CAPN3: variants seen among roughly 807,000 people sequenced by gnomAD.
The protein encoded by CAPN3 is calpain 3, also known as calpain-3.
Under a neutral mutation model 114.0 loss-of-function variants are expected in CAPN3, and 88 were observed. That is an observed-to-expected ratio of 0.77 (90% confidence interval 0.65 to 0.92). CAPN3 has a LOEUF of 0.92. CAPN3 is among the 40% of genes least tolerant of loss of function. The pLI is 0.00. For synonymous variants in CAPN3, 386 were observed against 382.9 expected, an observed-to-expected ratio of 1.01 and a Z score of -0.09; for missense variants, 1,028 against 1,069.0, an observed-to-expected ratio of 0.96 and a Z score of 0.53.
At chr15:42,399,758 T>G in intron 10 of CAPN3, 106 bp downstream of exon 10, 5 of 966,432 alleles carry the variant, frequency 5.2e-6, no homozygotes, top group South Asian at 1.7e-5. Context: ...GTCCACTATC[T>G]TATTAAACCT....
At position 42,387,796 on chromosome 15, in the gene CAPN3, G is replaced by A. The variant is rs1290517094; in HGVS notation, c.542G>A (p.Cys181Tyr). The A allele has an allele frequency of 1.9e-6, 3 of 1,614,082 alleles. No homozygotes were observed. In the African/African-American group the frequency reaches 4.0e-5, roughly 22 times the overall value. Residue 181 changes from cysteine to tyrosine, a missense_variant, in exon 4 of 24, where the codon TGC becomes TAC. By Grantham distance (194) the Cys-to-Tyr change is radical (BLOSUM62 -2). Transcript: ENST00000397163. The stretch of plus-strand genomic sequence containing the variant: ...TGGGTGGACGTGGTTATAGATGACT[G>A]CCTGCCAACGTACAACAATCAACTG... ...GEWVDVVIDD[C>Y]LPTYNNQLVF...
chr15:42,359,877 T>C lies in CAPN3; in HGVS notation c.72T>C (p.Pro24=). The C allele has an allele frequency of 6.2e-7, 1 of 1,614,192 alleles. No individual in the cohort carries two copies. The highest frequency in any genetic ancestry group is 8.5e-7 in the Non-Finnish European group (1 of 1,180,028). The change falls in exon 1 of 24, where the codon CCT becomes CCC. Residue 24 remains proline, a synonymous_variant. Coordinates refer to ENST00000397163, the MANE Select transcript of CAPN3 (RefSeq NM_000070.3). ...AAEPRSPGPV[P]HPAQSKATEA... is the part of the protein sequence containing the mutation. ...AGCCCCGGTCCCCAGGGCCAGTTCC[T>C]CACCCGGCCCAGAGCAAGGCCACTG...
intron 9 of CAPN3, among the ~76,000 whole-genome samples, chr15:42,397,766 G>C (rs538593096): frequency 6.6e-6 from 1 of 152,122 alleles, no homozygotes; most frequent in Non-Finnish European, 1.5e-5. Context: ...TCTCGGGCTG[G>C]TCTCAAACTC....
rs376966106 is a variant in CAPN3 at position 42,398,590 on chromosome 15, TACACACACACACACACACACACACAC to T, written c.1194-882_1194-857del. Among the ~76,000 whole-genome samples, 9 of 120,346 alleles carry T rather than the reference TACACACACACACACACACACACACAC, an allele frequency of 7.5e-5. No homozygotes were observed. In the East Asian group the frequency reaches 1.8e-3, roughly 24 times the overall value. The allele number at this position is 120,346 out of a possible 152,430, so 79.0% of individuals were successfully genotyped here. A position where few individuals can be genotyped will look rare whatever the true frequency, so the allele number is the denominator to read the frequency against. The stretch of plus-strand genomic sequence containing the variant: ...CAGAGCGAGACTCTGTCTCAAAAAA[TACACACACACACACACACACACACAC>T]ACACACACACACACACACATATATA... On this transcript the variant is annotated intron_variant, in intron 9 of 23. Coordinates refer to ENST00000397163, the MANE Select transcript of CAPN3 (RefSeq NM_000070.3).
In CAPN3 at chr15:42,399,529, T is replaced by C. The variant is rs781232391; in HGVS notation, c.1231T>C (p.Leu411=). 1.9e-6 allele frequency: 3 copies of C among 1,614,014 alleles called. No homozygotes were observed. The highest frequency in any genetic ancestry group is 1.1e-5 in the South Asian group (1 of 91,080). Residue 411 remains leucine, a synonymous_variant, in exon 10 of 24, where the codon TTG becomes CTG. Coordinates refer to ENST00000397163, the MANE Select transcript of CAPN3 (RefSeq NM_000070.3). The part of the protein sequence containing the change: ...YEDFIYHFTK[L]EICNLTADAL... The stretch of plus-strand genomic sequence containing the variant: ...GGATTTCATCTACCATTTCACAAAG[T>C]TGGAGATCTGCAACCTCACGGCCGA...
intron 14 of CAPN3, chr15:42,404,024 A>G: frequency 6.6e-6 from 4 of 610,002 alleles, no homozygotes; most frequent in South Asian, 6.1e-5. Flanking sequence ...TGGAAAGGAG[A>G]AGCAATTTGA....
chr15:42,399,434 G>A (rs879025882), intron 9 of CAPN3, 58 bp from the exon 10 acceptor site: 41 of 1,376,664 alleles, frequency 3.0e-5, no homozygotes, highest in South Asian at 1.2e-4. Context: ...GGGGTCTTCC[G>A]TTCCCAGCCC....
At chr15:42,404,413 G>A (rs1345217331) in intron 14 of CAPN3, 1 of 456,546 alleles carries the variant, frequency 2.2e-6, no homozygotes, top group Non-Finnish European at 4.4e-6. Context: ...AGGTTGCTGA[G>A]AGGTAGATGG....
intron 1 of CAPN3, among the ~76,000 whole-genome samples, chr15:42,380,751 A>ATATATTTTTTTTTTTTTT (rs1436943739): frequency 1.6e-5 from 1 of 64,484 alleles, no homozygotes; most frequent in African/African-American, 9.0e-5. Context: ...ATATATATAT[A>ATATATTTTTTTTTTTTTT]TTTTTTTTTT....
At chr15:42,367,375 CAAGG>C (rs2052815641) in intron 1 of CAPN3, among the ~76,000 whole-genome samples, 1 of 152,172 alleles carries the variant, frequency 6.6e-6, no homozygotes, top group Non-Finnish European at 1.5e-5. Flanking sequence ...AGACAATTCA[CAAGG>C]AAGCCTGGTG....
At position 42,384,546 on chromosome 15, in the gene CAPN3, G is replaced by A. The variant is rs759111290; in HGVS notation, c.373G>A (p.Glu125Lys). 1 of 1,612,854 alleles carries A rather than the reference G, an allele frequency of 6.2e-7. No individual in the cohort carries two copies. Among genetic ancestry groups the A allele is most frequent in the East Asian group, 2.2e-5 (1 of 44,878 alleles). Residue 125 changes from glutamate to lysine, a missense_variant, in exon 2 of 24, where the codon GAG becomes AAG. By Grantham distance (56) the Glu-to-Lys change is moderately conservative. Coordinates refer to ENST00000397163, the MANE Select transcript of CAPN3 (RefSeq NM_000070.3). ...GANRTDICQG[E>K]LGDCWFLAAI... ...CAACAGAACTGACATCTGTCAAGGA[G>A]AGCTAGGTAGGAAAGTGCCTCAGGT...
At chr15:42,393,741 G>A (rs912215446) in intron 7 of CAPN3, among the ~76,000 whole-genome samples, 1 of 151,846 alleles carries the variant, frequency 6.6e-6, no homozygotes, top group African/African-American at 2.4e-5. Flanking sequence ...TTACAGGCGC[G>A]TGTCACCATG....
intron 3 of CAPN3, 97 bp from the exon 4 acceptor site, chr15:42,387,656 C>T: frequency 6.9e-7 from 1 of 1,446,588 alleles, no homozygotes; most frequent in East Asian, 2.3e-5. Context: ...AATGATGCTG[C>T]TTTGGGATTC....
chr15:42,364,394 A>G (rs897243634), intron 1 of CAPN3, among the ~76,000 whole-genome samples: 2 of 152,224 alleles, frequency 1.3e-5, no homozygotes, highest in African/African-American at 4.8e-5. Context: ...GTAAACATAG[A>G]CTACTCTTAT....
rs558749336 is a variant in CAPN3 at position 42,404,245 on chromosome 15, C to T, written c.1782+468C>T. On this transcript the variant is annotated intron_variant, in intron 14 of 23. Coordinates refer to ENST00000397163, the MANE Select transcript of CAPN3 (RefSeq NM_000070.3). ...TCACTCAGTTTCCTACTCAGTAAAA[C>T]GGGGATGATAATGTGCCTTGCAAGG... is the stretch of plus-strand genomic sequence containing the variant. 2.6e-5 allele frequency: 12 copies of T among 456,664 alleles called. No individual in the cohort carries two copies. The East Asian group carries it at 4.2e-4, about 16-fold the overall frequency. 28.3% of individuals were successfully genotyped at this position (456,664 alleles called of 1,614,324 possible).
chr15:42,376,941 A>G (rs1006131737), intron 1 of CAPN3, among the ~76,000 whole-genome samples: 15 of 152,238 alleles, frequency 9.9e-5, no homozygotes, highest in African/African-American at 3.6e-4. Flanking sequence ...TATAAAAGGA[A>G]TATTTTTAAA....
chr15:42,382,374 T>C (rs1379556337), intron 1 of CAPN3, among the ~76,000 whole-genome samples: 1 of 152,116 alleles, frequency 6.6e-6, no homozygotes, highest in Admixed American at 6.6e-5. Flanking sequence ...TTTGTTTTTG[T>C]TTTTGTTTTT....
chr15:42,395,761 T>C lies in CAPN3; in HGVS notation c.1116-1039T>C, dbSNP rs561302400. Among the ~76,000 whole-genome samples, 60 of 152,336 alleles carry C rather than the reference T, an allele frequency of 3.9e-4. No homozygotes were observed. In the South Asian group the frequency reaches 0.012, roughly 32 times the overall value. The stretch of plus-strand genomic sequence containing the variant: ...GTTCACTCAAGGAGATTCCCTTTGC[T>C]GCATCCCTCCTCCTGGTCTCAGGAA... On this transcript the variant is annotated intron_variant, in intron 8 of 23. Coordinates refer to ENST00000397163, the MANE Select transcript of CAPN3 (RefSeq NM_000070.3).
At chr15:42,402,040 G>A (rs1257561594) in intron 11 of CAPN3, 84 bp from the exon 12 acceptor site, 99 of 1,560,232 alleles carry the variant, frequency 6.3e-5, no homozygotes, top group South Asian at 1.0e-4. Context: ...TTCCGCATGC[G>A]GGCTGCAGTT....
Sources: allele counts gnomAD v4.1 joint callset (sites outside exome capture counted in the v4.1 genomes callset), GRCh38; gene constraint gnomAD v4.1.1; transcripts MANE v1.5; gene names NCBI Gene and HGNC (gene_info 2026-07-23, HGNC 2026-07-21).